The following NR2C2 variants were observed in gnomAD, a reference collection of about 807,000 sequenced individuals.
NR2C2 encodes the protein Nuclear hormone receptor TR4.
A neutral mutation model predicts 62.9 loss-of-function variants in NR2C2; 6 were observed. That is an observed-to-expected ratio of 0.10 (90% CI 0.05 to 0.19). NR2C2 has a LOEUF of 0.19. NR2C2 is among the 10% of genes least tolerant of loss of function. The pLI, the probability that NR2C2 is intolerant of heterozygous loss-of-function variation, is 1.00. For missense variants in NR2C2, 479 were observed against 762.7 expected, an observed-to-expected ratio of 0.63 and a Z score of 4.38; for synonymous variants, 272 against 273.8, an observed-to-expected ratio of 0.99 and a Z score of 0.07.
intron 2 of NR2C2, among the ~76,000 whole-genome samples, chr3:15,008,665 G>A (rs2041260014): frequency 6.6e-6 from 1 of 152,226 alleles, no homozygotes; most frequent in African/African-American, 2.4e-5. Context: ...ACATGGGGGA[G>A]AATGGTGGTG....
intron 2 of NR2C2, among the ~76,000 whole-genome samples, chr3:15,006,031 T>C (rs1280725945): frequency 2.0e-5 from 3 of 151,776 alleles, no homozygotes; most frequent in Admixed American, 1.3e-4. Context: ...CAAAGTGAGA[T>C]TGTATCTCTA....
intron 2 of NR2C2, among the ~76,000 whole-genome samples, chr3:15,007,981 A>G (rs1321441209): frequency 1.3e-5 from 2 of 152,156 alleles, no homozygotes; most frequent in African/African-American, 4.8e-5. Context: ...GTAGCTACCA[A>G]GCCCTTTCTC....
intron 11 of NR2C2, among the ~76,000 whole-genome samples, chr3:15,035,138 A>G (rs1472027646): frequency 1.3e-5 from 2 of 152,144 alleles, no homozygotes; most frequent in African/African-American, 4.8e-5. Context: ...CAAAAAGTAC[A>G]AGAAATTAGC....
intron 1 of NR2C2, among the ~76,000 whole-genome samples, chr3:14,952,030 G>A (rs190880337): frequency 1.4e-3 from 207 of 152,350 alleles, no homozygotes; most frequent in African/African-American, 4.8e-3. Flanking sequence ...ACAGGTGTGA[G>A]CCACTGCGCC....
chr3:15,006,480 G>A (rs1367171225), intron 2 of NR2C2, among the ~76,000 whole-genome samples: 1 of 152,152 alleles, frequency 6.6e-6, no homozygotes, highest in African/African-American at 2.4e-5. Flanking sequence ...ATGTAGGTAT[G>A]TGAGTGGGCA....
At chr3:14,950,316 G>T (rs913256297) in intron 1 of NR2C2, among the ~76,000 whole-genome samples, 7 of 152,120 alleles carry the variant, frequency 4.6e-5, no homozygotes, top group Admixed American at 6.5e-5. Context: ...CAAAGTATAG[G>T]GTGCTTTATG....
intron 2 of NR2C2, among the ~76,000 whole-genome samples, chr3:15,006,657 G>A (rs747746327): frequency 2.6e-5 from 4 of 152,066 alleles, no homozygotes; most frequent in Non-Finnish European, 5.9e-5. Flanking sequence ...CTGGTTGTCT[G>A]TGGGCCTGAT....
chr3:15,012,287 C>T (rs749462343), intron 2 of NR2C2, among the ~76,000 whole-genome samples: 5 of 151,282 alleles, frequency 3.3e-5, no homozygotes, highest in African/African-American at 4.9e-5. Flanking sequence ...AGTGCAGTGG[C>T]GCAATCTCAG....
intron 1 of NR2C2, among the ~76,000 whole-genome samples, chr3:14,960,793 TTC>T (rs2039668294): frequency 6.6e-6 from 1 of 152,154 alleles, no homozygotes; most frequent in African/African-American, 2.4e-5. Flanking sequence ...AATTCTTATT[TTC>T]TGTTTTGAGG....
rs1000829368 is a variant in NR2C2 at position 15,003,969 on chromosome 3, T to G, written c.55T>G (p.Ser19Ala). The change falls in exon 2 of 14, where the codon TCA becomes GCA. Residue 19 changes from serine (S) to alanine (A), a missense_variant. Transcript: ENST00000425241. ...AATCTCCACCGACTCTGCTGTAGCC[T>G]CACCTCAGCGCATTCAGGTACCTGC... ...QIISTDSAVA[S>A]PQRIQIVTDQ... 1.2e-6 allele frequency: 2 copies of G among 1,612,468 alleles called. No homozygotes were observed. Among genetic ancestry groups the G allele is most frequent in the East Asian group, 4.5e-5 (2 of 44,798 alleles).
At position 15,042,975 on chromosome 3, in the gene NR2C2, G is replaced by T; in HGVS notation, c.1758G>T (p.Glu586Asp). ...ACATCCTCAAGATGGAGACAGCAGA[G>T]TATAATGGCCAGATCACCGGAGCCA... ...IPYILKMETA[E>D]YNGQITGASL The change falls in exon 14 of 14, where the codon GAG becomes GAT. Residue 586 changes from glutamate to aspartate, a missense_variant. Glu to Asp is a conservative substitution (Grantham distance 45). This residue lies in a region of NR2C2 where 162 missense variants were observed against 296.8 expected (regional missense o/e 0.55). Transcript: ENST00000425241. The T allele has an allele frequency of 6.2e-7, 1 of 1,614,180 alleles. No individual in the cohort carries two copies. Among genetic ancestry groups the T allele is most frequent in the Non-Finnish European group, 8.5e-7 (1 of 1,180,024 alleles).
chr3:15,025,049 C>G (rs963823944), intron 7 of NR2C2, among the ~76,000 whole-genome samples: 2 of 152,254 alleles, frequency 1.3e-5, no homozygotes, highest in Non-Finnish European at 2.9e-5. Flanking sequence ...CTGGGCCTTG[C>G]ACCTTCTGTC....
At chr3:14,991,503 A>C (rs1303813222) in intron 1 of NR2C2, among the ~76,000 whole-genome samples, 1 of 152,192 alleles carries the variant, frequency 6.6e-6, no homozygotes, top group East Asian at 1.9e-4. Context: ...CCTTTACCCT[A>C]CTTAAGGGTT....
chr3:15,038,165 C>A (rs370842707), intron 12 of NR2C2, 28 bp downstream of exon 12: 2 of 1,588,244 alleles, frequency 1.3e-6, no homozygotes, highest in East Asian at 4.5e-5. Flanking sequence ...GATGCATGAC[C>A]CCTTTCCACC....
intron 1 of NR2C2, 38 bp from the exon 2 acceptor site, chr3:15,003,838 T>C: frequency 7.1e-7 from 1 of 1,414,770 alleles, no homozygotes. Flanking sequence ...GGCATCATTC[T>C]GAACCCCCTT....
At chr3:14,960,395 G>A (rs1033676234) in intron 1 of NR2C2, among the ~76,000 whole-genome samples, 3 of 151,986 alleles carry the variant, frequency 2.0e-5, no homozygotes, top group African/African-American at 7.2e-5. Flanking sequence ...ATTTATCTTG[G>A]GATCCCCAGC....
rs983124194 is a variant in NR2C2, at chr3:15,043,332, T to G, written c.*324T>G. 1.7e-5 allele frequency: 3 copies of G among 175,254 alleles called. No homozygotes were observed. The highest frequency in any genetic ancestry group is 7.1e-5 in the African/African-American group (3 of 42,128). 10.9% of individuals were successfully genotyped at this position (175,254 alleles called of 1,614,324 possible). ...GTCAGAGACTAGTATTAAAGAAAACTGAAAGAACCTGAGAGAATAGTATGT... is the reference window on the plus strand; with the variant it reads ...GTCAGAGACTAGTATTAAAGAAAACGGAAAGAACCTGAGAGAATAGTATGT... On this transcript the variant is annotated 3_prime_UTR_variant, in exon 14 of 14. Coordinates refer to ENST00000425241, the MANE Select transcript of NR2C2 (RefSeq NM_001291694.2).
At chr3:15,008,078 G>A (rs1406166412) in intron 2 of NR2C2, among the ~76,000 whole-genome samples, 1 of 152,098 alleles carries the variant, frequency 6.6e-6, no homozygotes, top group East Asian at 1.9e-4. Flanking sequence ...ACCCACACCC[G>A]CTCCAGCCAC....
chr3:15,015,587 G>A (rs2041485776), intron 3 of NR2C2, among the ~76,000 whole-genome samples: 1 of 152,182 alleles, frequency 6.6e-6, no homozygotes, highest in African/African-American at 2.4e-5. Flanking sequence ...ACAATTTTGG[G>A]TGGTTGTAGT....
Sources: allele counts gnomAD v4.1 joint callset (sites outside exome capture counted in the v4.1 genomes callset), GRCh38; gene constraint gnomAD v4.1.1; regional missense constraint gnomAD v4.1.1; transcripts MANE v1.5; gene names NCBI Gene and HGNC (gene_info 2026-07-23, HGNC 2026-07-21).